The following KIF18A variants were observed in gnomAD, a reference collection of about 807,000 sequenced individuals.
KIF18A encodes kinesin-like protein KIF18A.
A neutral mutation model predicts 103.3 loss-of-function variants in KIF18A; 67 were observed. The observed-to-expected ratio is 0.65, with a 90% CI of 0.53 to 0.79. The LOEUF (loss-of-function observed/expected upper bound fraction) is 0.79. Ranked by LOEUF, KIF18A falls within the 30% of genes least tolerant of loss-of-function variation. The pLI is 0.00. For synonymous variants in KIF18A, 367 were observed against 355.5 expected, an observed-to-expected ratio of 1.03 and a Z score of -0.36; for missense variants, 1,032 against 1,062.5, an observed-to-expected ratio of 0.97 and a Z score of 0.40.
intron 15 of KIF18A, among the ~76,000 whole-genome samples, chr11:28,034,940 A>G (rs1850463695): frequency 2.0e-5 from 3 of 151,618 alleles, no homozygotes. Context: ...GTCTGATACA[A>G]GCTACACTGT....
chr11:28,057,739 A>T (rs1363895744), intron 13 of KIF18A, among the ~76,000 whole-genome samples: 2 of 152,164 alleles, frequency 1.3e-5, no homozygotes, highest in African/African-American at 2.4e-5. Context: ...CACAAATGTG[A>T]ATACACAGAT....
At chr11:28,080,409 T>C (rs966325000) in intron 9 of KIF18A, among the ~76,000 whole-genome samples, 6 of 151,640 alleles carry the variant, frequency 4.0e-5, no homozygotes, top group Non-Finnish European at 5.9e-5. Context: ...TGAGCAAGTC[T>C]ATAAGCATCA....
In KIF18A at chr11:28,083,220, G is replaced by T; in HGVS notation, c.1098C>A (p.Val366=). ...TTACATATTGAGTTATATGATTATT[G>T]ACATTAAGAACATTGCTCTTCAACT... The part of the protein sequence containing the change: ...KSSLKSNVLN[V]NNHITQYVKI... Residue 366 remains valine (V), a synonymous_variant, in exon 8 of 17, where the codon GTC becomes GTA. Transcript: ENST00000263181. The T allele has an allele frequency of 6.4e-7, 1 of 1,558,100 alleles. No homozygotes were observed. The highest frequency in any genetic ancestry group is 1.2e-5 in the South Asian group (1 of 80,578).
chr11:28,096,226 T>G (rs1851371195), intron 2 of KIF18A, among the ~76,000 whole-genome samples: 1 of 148,644 alleles, frequency 6.7e-6, no homozygotes, highest in African/African-American at 2.5e-5. Context: ...ATCCACTCTG[T>G]GAATTACATA....
intron 9 of KIF18A, 70 bp from the exon 10 acceptor site, chr11:28,077,239 GA>G (rs1312900664): frequency 9.3e-7 from 1 of 1,079,588 alleles, no homozygotes; most frequent in East Asian, 2.7e-5. Context: ...TTACTTAAGA[GA>G]AATGCATAAA....
At chr11:28,033,837 T>C (rs938679207) in intron 15 of KIF18A, among the ~76,000 whole-genome samples, 2 of 151,578 alleles carry the variant, frequency 1.3e-5, no homozygotes, top group Admixed American at 1.3e-4. Flanking sequence ...ATTGTACATT[T>C]AAAAAATAAC....
At chr11:28,098,358 C>T (rs183944943) in intron 1 of KIF18A, among the ~76,000 whole-genome samples, 4 of 152,292 alleles carry the variant, frequency 2.6e-5, no homozygotes, top group Non-Finnish European at 5.9e-5. Context: ...TTGATTTTCA[C>T]AAGCCCTCCA....
Position 28,026,844 on chromosome 11 carries a change from G to C in KIF18A, c.2505-2994C>G, listed in dbSNP as rs185971840. ...ATTAGTGATAAAAGTAGACGAAACA[G>C]ATGATTGTGGTTAGCTAGGCTCACT... On this transcript the variant is annotated intron_variant, in intron 15 of 16. Transcript: ENST00000263181. 2.2e-3 allele frequency among the ~76,000 whole-genome samples: 341 copies of C among 151,884 alleles called. 2 individuals are homozygous for C. Among genetic ancestry groups the C allele is most frequent in the African/African-American group, 6.9e-3 (287 of 41,506 alleles).
Position 28,068,257 on chromosome 11 carries a change from G to A in KIF18A, c.1590+1002C>T, listed in dbSNP as rs576504542. ...GGACACAGGGAGGGGAACATCACATGCCAGAGGCTGTCAGGGGTAGGGGGC... is the reference window on the plus strand; with the variant it reads ...GGACACAGGGAGGGGAACATCACATACCAGAGGCTGTCAGGGGTAGGGGGC... On this transcript the variant is annotated intron_variant, in intron 11 of 16. Transcript: ENST00000263181. Among the ~76,000 whole-genome samples the A allele has an allele frequency of 2.0e-5, 3 of 152,048 alleles. No homozygotes were observed. In the East Asian group the frequency reaches 5.8e-4, roughly 29 times the overall value.
At chr11:28,064,521 C>T (rs1479614913) in intron 11 of KIF18A, among the ~76,000 whole-genome samples, 5 of 151,920 alleles carry the variant, frequency 3.3e-5, no homozygotes, top group Non-Finnish European at 4.4e-5. Flanking sequence ...TTGATGGGTG[C>T]AGCAAACCAA....
At chr11:28,104,991 T>G (rs1253092159) in intron 1 of KIF18A, among the ~76,000 whole-genome samples, 1 of 151,996 alleles carries the variant, frequency 6.6e-6, no homozygotes, top group Non-Finnish European at 1.5e-5. Flanking sequence ...TATTTAAATT[T>G]TAAACAAGGT....
chr11:28,067,392 C>T (rs1156663499), intron 11 of KIF18A, among the ~76,000 whole-genome samples: 1 of 152,014 alleles, frequency 6.6e-6, no homozygotes, highest in African/African-American at 2.4e-5. Context: ...AACAGGATAT[C>T]TGCTGCTTGC....
chr11:28,061,735 G>A (rs144757834), intron 12 of KIF18A, among the ~76,000 whole-genome samples: 17 of 152,140 alleles, frequency 1.1e-4, no homozygotes, highest in African/African-American at 4.1e-4. Flanking sequence ...AGTAGAACAT[G>A]AATAGATTCT....
intron 13 of KIF18A, among the ~76,000 whole-genome samples, chr11:28,058,453 G>A (rs1850810633): frequency 1.4e-5 from 2 of 141,034 alleles, no homozygotes; most frequent in African/African-American, 5.3e-5. Flanking sequence ...GGAGTTTGAG[G>A]TCAGCCTGGG....
intron 13 of KIF18A, 91 bp from the exon 14 acceptor site, chr11:28,036,755 T>C: frequency 5.6e-6 from 4 of 717,628 alleles, no homozygotes; most frequent in Non-Finnish European, 8.4e-6. Context: ...ACCCTAATAA[T>C]AAGGTATTTT....
chr11:28,084,792 A>T lies in KIF18A; in HGVS notation c.914T>A (p.Ile305Asn). Residue 305 changes from isoleucine (I) to asparagine (N), a missense_variant, in exon 7 of 17, where the codon ATC (isoleucine) becomes AAC (asparagine). Physicochemically the swap from Ile to Asn is moderately radical, Grantham distance 149. Transcript: ENST00000263181. The stretch of plus-strand genomic sequence containing the variant: ...AGTAAGCTTACTATTTCTGTAAGGG[A>T]TATGCTGATTCTTTCTCTGAAAGCA... ...LADSKRKNQH[I>N]PYRNSKLTRL... 1 of 1,610,318 alleles carries T rather than the reference A, an allele frequency of 6.2e-7. No individual in the cohort carries two copies. Among genetic ancestry groups the T allele is most frequent in the Non-Finnish European group, 8.5e-7 (1 of 1,178,472 alleles).
At position 28,036,317 on chromosome 11, in the gene KIF18A, A is replaced by C; in HGVS notation, c.2296T>G (p.Leu766Val). 1.2e-6 allele frequency: 2 copies of C among 1,610,666 alleles called. No homozygotes were observed. The highest frequency in any genetic ancestry group is 1.7e-6 in the Non-Finnish European group (2 of 1,177,742). Reference protein sequence around the residue: ...NRRKECGQEDLDSTFTICEDI... With the variant: ...NRRKECGQEDVDSTFTICEDI... ...TCACATATAGTAAATGTAGAGTCCA[A>C]GTCCTCCTGTCCACATTCTTTTCTT... Residue 766 changes from leucine to valine, a missense_variant, in exon 14 of 17, where the codon TTG (leucine) becomes GTG (valine). Transcript: ENST00000263181.
At chr11:28,084,886 T>A in intron 6 of KIF18A, 78 bp from the exon 7 acceptor site, 1 of 1,113,060 alleles carries the variant, frequency 9.0e-7, no homozygotes, top group Non-Finnish European at 1.3e-6. Context: ...CACTTCACTG[T>A]GGGGGGAGGA....
intron 4 of KIF18A, among the ~76,000 whole-genome samples, chr11:28,091,123 AAAAT>A (rs71050943): frequency 0.42 from 61,032 of 146,774 alleles, 12,980 homozygotes; most frequent in Non-Finnish European, 0.44. Flanking sequence ...GCCCGGTCAC[AAAAT>A]AAATAAATAA....
Sources: allele counts gnomAD v4.1 joint callset (sites outside exome capture counted in the v4.1 genomes callset), GRCh38; gene constraint gnomAD v4.1.1; transcripts MANE v1.5; gene names NCBI Gene and HGNC (gene_info 2026-07-23, HGNC 2026-07-21).